Variants in ABL2 observed in about 807,000 individuals in gnomAD.
ABL2 encodes tyrosine-protein kinase ABL2.
A neutral mutation model predicts 107.7 loss-of-function variants in ABL2; 49 were observed. The ratio of observed to expected loss-of-function variants is 0.45; its 90% confidence interval spans 0.36 to 0.58. The LOEUF (loss-of-function observed/expected upper bound fraction) is 0.58. Ranked by LOEUF, ABL2 falls within the 20% of genes least tolerant of loss-of-function variation. ABL2 has a pLI of 0.00. For missense variants in ABL2, 1,245 were observed against 1,457.0 expected, an observed-to-expected ratio of 0.85 and a Z score of 2.37; for synonymous variants, 549 against 548.6, an observed-to-expected ratio of 1.00 and a Z score of -0.01.
intron 1 of ABL2, among the ~76,000 whole-genome samples, chr1:179,183,113 C>G (rs1157109503): frequency 2.0e-5 from 3 of 152,006 alleles, no homozygotes; most frequent in Admixed American, 1.3e-4. Flanking sequence ...CTCCTGGGCT[C>G]AAATGATCTC....
At chr1:179,218,737 A>T (rs1662718346) in intron 1 of ABL2, among the ~76,000 whole-genome samples, 1 of 152,138 alleles carries the variant, frequency 6.6e-6, no homozygotes, top group South Asian at 2.1e-4. Flanking sequence ...GAGATTCTCA[A>T]AGCATGGTCC....
chr1:179,191,523 C>T (rs977681108), intron 1 of ABL2, among the ~76,000 whole-genome samples: 1 of 146,452 alleles, frequency 6.8e-6, no homozygotes, highest in African/African-American at 2.5e-5. Flanking sequence ...TGGGTTCAAG[C>T]GATTCTCTTG....
intron 2 of ABL2, among the ~76,000 whole-genome samples, chr1:179,132,839 GCTGA>G (rs1179419795): frequency 6.7e-6 from 1 of 148,844 alleles, no homozygotes; most frequent in Non-Finnish European, 1.5e-5. Context: ...ACCACACCCG[GCTGA>G]CTTATTCCCC....
rs569106848 is a variant in ABL2 at position 179,108,534 on chromosome 1, C to G, written c.2733G>C (p.Pro911=). Residue 911 remains proline, a synonymous_variant, in exon 12 of 12, where the codon CCG becomes CCC. Coordinates refer to ENST00000502732, the MANE Select transcript of ABL2 (RefSeq NM_007314.4). ...MAGVPEDGEQ[P]GWPSPAKAAP... is the part of the protein sequence containing the mutation. ...CAGCCTTGGCTGGAGAAGGCCAGCC[C>G]GGCTGCTCTCCATCCTCTGGAACTC... 2 of 1,614,148 alleles carry G rather than the reference C, an allele frequency of 1.2e-6. No homozygotes were observed. Among genetic ancestry groups the G allele is most frequent in the Non-Finnish European group, 1.7e-6 (2 of 1,180,022 alleles).
At chr1:179,142,503 G>A (rs1657680171) in intron 1 of ABL2, among the ~76,000 whole-genome samples, 1 of 152,204 alleles carries the variant, frequency 6.6e-6, no homozygotes, top group South Asian at 2.1e-4. Context: ...AATTTGTCAG[G>A]TAGTAATAGG....
At chr1:179,113,804 G>A (rs1377125110) in intron 9 of ABL2, among the ~76,000 whole-genome samples, 1 of 152,070 alleles carries the variant, frequency 6.6e-6, no homozygotes, top group Non-Finnish European at 1.5e-5. Context: ...GGTGGCGGCC[G>A]GCGCCTATAG....
intron 1 of ABL2, among the ~76,000 whole-genome samples, chr1:179,153,120 A>C (rs1326684192): frequency 6.6e-6 from 1 of 152,186 alleles, no homozygotes; most frequent in Non-Finnish European, 1.5e-5. Flanking sequence ...GAGTGGCAAT[A>C]ATTGTAAGAT....
At chr1:179,127,221 C>T (rs746688897) in intron 3 of ABL2, among the ~76,000 whole-genome samples, 24 of 151,994 alleles carry the variant, frequency 1.6e-4, no homozygotes, top group Non-Finnish European at 1.6e-4. Context: ...AAAAAAAACA[C>T]GGACCACAGA....
intron 1 of ABL2, among the ~76,000 whole-genome samples, chr1:179,162,273 T>C (rs1463132240): frequency 6.6e-6 from 1 of 152,186 alleles, no homozygotes; most frequent in Non-Finnish European, 1.5e-5. Context: ...AAGCCATTAA[T>C]ATATTCACGT....
intron 1 of ABL2, among the ~76,000 whole-genome samples, chr1:179,140,454 C>T (rs1657470256): frequency 6.6e-6 from 1 of 152,154 alleles, no homozygotes; most frequent in Non-Finnish European, 1.5e-5. Context: ...CTCTTATTAC[C>T]ACCAAACATA....
chr1:179,108,644 C>A lies in ABL2; in HGVS notation c.2623G>T (p.Asp875Tyr). 6.2e-7 allele frequency: 1 copy of A among 1,614,208 alleles called. No individual in the cohort carries two copies. The highest frequency in any genetic ancestry group is 1.1e-5 in the South Asian group (1 of 91,088). Residue 875 changes from aspartate to tyrosine, a missense_variant, in exon 12 of 12, where the codon GAC (aspartate) becomes TAC (tyrosine). Around this residue, in one of 3 missense-constraint regions of ABL2, gnomAD observed 761 missense variants for 766.4 expected, o/e 0.99. Coordinates refer to ENST00000502732, the MANE Select transcript of ABL2 (RefSeq NM_007314.4). ...PSGDLAITEK[D>Y]PPGVGVAGVA... is the part of the protein sequence containing the mutation. ...CCAGCCACTCCCACCCCTGGAGGGT[C>A]CTTCTCTGTAATGGCTAGATCCCCA...
At chr1:179,191,353 T>C (rs1660997649) in intron 1 of ABL2, among the ~76,000 whole-genome samples, 1 of 151,734 alleles carries the variant, frequency 6.6e-6, no homozygotes, top group African/African-American at 2.4e-5. Context: ...AATTCTTCTA[T>C]ATTAAATTAT....
chr1:179,130,092 G>A (rs961062625), intron 3 of ABL2, among the ~76,000 whole-genome samples: 5 of 152,118 alleles, frequency 3.3e-5, no homozygotes, highest in African/African-American at 9.7e-5. Context: ...GGCACATGCC[G>A]CTACACACGG....
At chr1:179,229,167 T>TGCGCC in intron 1 of ABL2, 74 bp downstream of exon 1, 4 of 402,570 alleles carry the variant, frequency 9.9e-6, no homozygotes, top group Non-Finnish European at 1.4e-5. Context: ...GGGCAGCCCG[T>TGCGCC]CCGCCACCCA....
chr1:179,172,081 C>CA (rs1659757034), intron 1 of ABL2, among the ~76,000 whole-genome samples: 1 of 152,114 alleles, frequency 6.6e-6, no homozygotes, highest in South Asian at 2.1e-4. Flanking sequence ...TAATTCATGG[C>CA]AAAGTACAAA....
chr1:179,201,204 C>T (rs1227642859), intron 1 of ABL2, among the ~76,000 whole-genome samples: 2 of 152,198 alleles, frequency 1.3e-5, no homozygotes, highest in East Asian at 3.9e-4. Context: ...TTAATTCTTT[C>T]TGCACAACTG....
intron 1 of ABL2, among the ~76,000 whole-genome samples, chr1:179,174,538 G>A (rs1403739913): frequency 6.6e-6 from 1 of 152,008 alleles, no homozygotes; most frequent in Non-Finnish European, 1.5e-5. Context: ...ATATGTGTGT[G>A]TATACATATA....
intron 1 of ABL2, among the ~76,000 whole-genome samples, chr1:179,144,475 AAG>A (rs904225477): frequency 1.1e-4 from 17 of 152,162 alleles, no homozygotes; most frequent in African/African-American, 2.4e-4. Flanking sequence ...AAACAAAAAA[AAG>A]AGTGTTTGTT....
intron 10 of ABL2, among the ~76,000 whole-genome samples, chr1:179,111,361 C>T (rs1231767392): frequency 6.8e-6 from 1 of 147,080 alleles, no homozygotes; most frequent in East Asian, 2.1e-4. Context: ...TCTCAGCTCA[C>T]TGCAACTTCC....
Sources: allele counts gnomAD v4.1 joint callset (sites outside exome capture counted in the v4.1 genomes callset), GRCh38; gene constraint gnomAD v4.1.1; regional missense constraint gnomAD v4.1.1; transcripts MANE v1.5; gene names NCBI Gene and HGNC (gene_info 2026-07-23, HGNC 2026-07-21).